The following OPRM1 variants were observed in gnomAD, a reference collection of about 807,000 sequenced individuals.
OPRM1 encodes mu-type opioid receptor.
Under a neutral mutation model 31.8 loss-of-function variants are expected in OPRM1, and 27 were observed. The ratio of observed to expected loss-of-function variants is 0.85; its 90% CI spans 0.63 to 1.17. The LOEUF (loss-of-function observed/expected upper bound fraction) is 1.17. Ranked by LOEUF, OPRM1 falls within the 50% of genes most tolerant of loss-of-function variation. The probability of loss-of-function intolerance (pLI) is 0.00; values close to 1 mark genes in which losing one functional copy is unlikely to be tolerated. For missense variants in OPRM1, 536 were observed against 511.1 expected (o/e 1.05, Z -0.47); for synonymous variants, 196 against 189.9 (o/e 1.03, Z -0.26).
intron 3 of OPRM1, among the ~76,000 whole-genome samples, chr6:154,165,054 G>A (rs1799319736): frequency 6.6e-6 from 1 of 152,086 alleles, no homozygotes; most frequent in South Asian, 2.1e-4. Context: ...CCTTGTTTCT[G>A]CATGAAACTC....
At chr6:154,225,515 A>G (rs1235756538) in intron 3 of OPRM1, among the ~76,000 whole-genome samples, 1 of 152,240 alleles carries the variant, frequency 6.6e-6, no homozygotes, top group Non-Finnish European at 1.5e-5. Flanking sequence ...GTATGATTCA[A>G]TTTATATGAA....
intron 1 of OPRM1, among the ~76,000 whole-genome samples, chr6:154,072,580 C>CTA (rs1275225737): frequency 3.3e-5 from 5 of 152,120 alleles, no homozygotes; most frequent in African/African-American, 1.2e-4. Context: ...CTCCAGAACA[C>CTA]AATAGAAACT....
chr6:154,097,950 T>G (rs2128495708), intron 3 of OPRM1, among the ~76,000 whole-genome samples: 1 of 152,258 alleles, frequency 6.6e-6, no homozygotes, highest in Admixed American at 6.5e-5. Context: ...TGGCTGAGGG[T>G]TGGGTGCAGT....
chr6:154,100,446 A>G (rs1354581800), intron 3 of OPRM1, among the ~76,000 whole-genome samples: 1 of 151,726 alleles, frequency 6.6e-6, no homozygotes. Context: ...GTATGAATCA[A>G]AGGAAATTAA....
At chr6:154,228,212 T>C (rs1023054867) in intron 3 of OPRM1, among the ~76,000 whole-genome samples, 5 of 151,918 alleles carry the variant, frequency 3.3e-5, no homozygotes, top group Non-Finnish European at 7.4e-5. Flanking sequence ...ACGCCTGTAA[T>C]CCCAGCGCTT....
chr6:154,098,602 C>G (rs2128496680), intron 3 of OPRM1, among the ~76,000 whole-genome samples: 1 of 152,092 alleles, frequency 6.6e-6, no homozygotes, highest in East Asian at 1.9e-4. Flanking sequence ...TTTATTTTTG[C>G]TTTTGCATTT....
chr6:154,147,855 A>T (rs1400357980), intron 3 of OPRM1, among the ~76,000 whole-genome samples: 1 of 152,238 alleles, frequency 6.6e-6, no homozygotes, highest in Non-Finnish European at 1.5e-5. Flanking sequence ...CACTTGGAGC[A>T]GTGAAGAGCT....
Position 154,039,581 on chromosome 6 carries a change from T to C in OPRM1, c.37T>C (p.Cys13Arg). 1 of 1,613,676 alleles carries C rather than the reference T, an allele frequency of 6.2e-7. No individual in the cohort carries two copies. Among genetic ancestry groups the C allele is most frequent in the Non-Finnish European group, 8.5e-7 (1 of 1,179,832 alleles). ...CGCTGCCCCCACGAACGCCAGCAAT[T>C]GCACTGATGCCTTGGCGTACTCAAG... is the stretch of plus-strand genomic sequence containing the variant. ...SSAAPTNASN[C>R]TDALAYSSCS... The change falls in exon 1 of 4, where the codon TGC becomes CGC. Residue 13 changes from cysteine (C) to arginine (R), a missense_variant. By Grantham distance (180) the Cys-to-Arg change is radical. Coordinates refer to ENST00000330432, the MANE Select transcript of OPRM1 (RefSeq NM_000914.5).
intron 3 of OPRM1, among the ~76,000 whole-genome samples, chr6:154,098,671 G>A (rs1793822364): frequency 6.6e-6 from 1 of 152,164 alleles, no homozygotes; most frequent in Admixed American, 6.5e-5. Flanking sequence ...CAAACCAGCT[G>A]TTAACTTTTG....
intron 1 of OPRM1, among the ~76,000 whole-genome samples, chr6:154,061,921 C>T (rs749319565): frequency 5.3e-5 from 8 of 151,966 alleles, no homozygotes; most frequent in Non-Finnish European, 1.0e-4. Flanking sequence ...AAATATAATG[C>T]GTTCTATGAA....
chr6:154,174,154 C>T (rs1347614010), intron 3 of OPRM1, among the ~76,000 whole-genome samples: 6 of 152,142 alleles, frequency 3.9e-5, no homozygotes, highest in Admixed American at 3.9e-4. Flanking sequence ...GCCTGCCTTA[C>T]AAGAGCTCCT....
intron 3 of OPRM1, among the ~76,000 whole-genome samples, chr6:154,152,417 A>G (rs1429120164): frequency 6.6e-6 from 1 of 151,778 alleles, no homozygotes; most frequent in East Asian, 1.9e-4. Flanking sequence ...GGTTGTGGTT[A>G]CACAGGTCAG....
rs997724998 is a variant in OPRM1, at chr6:154,123,780, T to G, written c.*5059T>G. ...GTCGTGGTACTGGTGGGAATGTTTTTTAGCATGCTAATGCAATATAATTAG... is the reference window on the plus strand; with the variant it reads ...GTCGTGGTACTGGTGGGAATGTTTTGTAGCATGCTAATGCAATATAATTAG... On this transcript the variant is annotated 3_prime_UTR_variant, in exon 4 of 4. Coordinates refer to ENST00000330432, the MANE Select transcript of OPRM1 (RefSeq NM_000914.5). Among the ~76,000 whole-genome samples, 2 of 152,218 alleles carry G rather than the reference T, an allele frequency of 1.3e-5. No homozygotes were observed. The highest frequency in any genetic ancestry group is 4.8e-5 in the African/African-American group (2 of 41,458).
At chr6:154,082,682 C>A (rs755680802) in intron 1 of OPRM1, among the ~76,000 whole-genome samples, 54 of 152,080 alleles carry the variant, frequency 3.6e-4, no homozygotes, top group Non-Finnish European at 6.0e-4. Flanking sequence ...TGACCTTTCC[C>A]CTTAGAAGTT....
intron 3 of OPRM1, among the ~76,000 whole-genome samples, chr6:154,235,710 C>T (rs1485612588): frequency 6.6e-6 from 1 of 152,076 alleles, no homozygotes; most frequent in Non-Finnish European, 1.5e-5. Context: ...ACCACCACCA[C>T]CACTAAGAAA....
At chr6:154,206,076 T>A (rs1777469956) in intron 3 of OPRM1, among the ~76,000 whole-genome samples, 1 of 152,160 alleles carries the variant, frequency 6.6e-6, no homozygotes, top group Non-Finnish European at 1.5e-5. Flanking sequence ...CACCCCCATA[T>A]TGGTAACAGT....
chr6:154,241,194 C>T (rs1780553302), intron 3 of OPRM1, among the ~76,000 whole-genome samples: 1 of 148,632 alleles, frequency 6.7e-6, no homozygotes, highest in South Asian at 2.1e-4. Context: ...CGAGATCGCG[C>T]CACTGCACTT....
chr6:154,220,114 T>C (rs769701629), intron 3 of OPRM1, among the ~76,000 whole-genome samples: 2 of 151,818 alleles, frequency 1.3e-5, no homozygotes, highest in African/African-American at 2.4e-5. Flanking sequence ...ATAGGGCAGA[T>C]AGGTAAGGAA....
intron 1 of OPRM1, among the ~76,000 whole-genome samples, chr6:154,048,389 C>A (rs771995114): frequency 9.2e-5 from 14 of 152,140 alleles, no homozygotes; most frequent in Non-Finnish European, 2.1e-4. Context: ...TTTCTTACAG[C>A]CTCTCCAAAG....
Sources: allele counts gnomAD v4.1 joint callset (sites outside exome capture counted in the v4.1 genomes callset), GRCh38; gene constraint gnomAD v4.1.1; transcripts MANE v1.5; gene names NCBI Gene and HGNC (gene_info 2026-07-23, HGNC 2026-07-21).